Variants in TTC34 observed in about 807,000 individuals in gnomAD.
TTC34 encodes the protein tetratricopeptide repeat domain 34.
TTC34 carries 44 observed loss-of-function variants against 40.7 expected under a neutral mutation model. The ratio of observed to expected loss-of-function variants is 1.08; its 90% confidence interval spans 0.85 to 1.39. The LOEUF (loss-of-function observed/expected upper bound fraction) is 1.39, where lower values mean the gene tolerates loss of function less well. Among genes scored for constraint, TTC34 ranks in the 40% most tolerant of loss-of-function variants. The pLI, the probability that TTC34 is intolerant of heterozygous loss-of-function variation, is 0.00. For missense variants in TTC34, 884 were observed against 838.0 expected, an observed-to-expected ratio of 1.05 and a Z score of -0.68; for synonymous variants, 422 against 398.6, an observed-to-expected ratio of 1.06 and a Z score of -0.70.
At chr1:2,696,115 CCCCCAGGCGAGCAT>C (rs1640854752) in intron 6 of TTC34, among the ~76,000 whole-genome samples, 1 of 104,332 alleles carries the variant, frequency 9.6e-6, no homozygotes, top group African/African-American at 3.6e-5. Context: ...AGGACCCACA[CCCCCAGGCGAGCAT>C]CTGACTGCAT....
At chr1:2,771,509 G>A (rs1213685276) in intron 6 of TTC34, among the ~76,000 whole-genome samples, 3 of 78,888 alleles carry the variant, frequency 3.8e-5, no homozygotes, top group Admixed American at 1.1e-4. Flanking sequence ...TGACAGCCTG[G>A]AGTAGCACGC....
chr1:2,801,267 A>AC (rs952729403), intron 1 of TTC34, among the ~76,000 whole-genome samples: 5 of 147,972 alleles, frequency 3.4e-5, no homozygotes, highest in Non-Finnish European at 4.5e-5. Context: ...AGGAAGGCAC[A>AC]CCCCCCGTCA....
rs1381723122 is a variant in TTC34 at position 2,796,633 on chromosome 1, C to T, written c.784+3411G>A. Among the ~76,000 whole-genome samples the T allele has an allele frequency of 1.3e-5, 2 of 152,032 alleles. No individual in the cohort carries two copies. The highest frequency in any genetic ancestry group is 6.6e-5 in the Admixed American group (1 of 15,256). On this transcript the variant is annotated intron_variant, in intron 2 of 8. Coordinates refer to ENST00000401095, the Ensembl canonical transcript of TTC34. The surrounding 1 kb of genome is among the most constrained non-coding windows in gnomAD (Gnocchi z 4.5). ...ACCCACACCCTTAAGTCATGCCCTG[C>T]CCCTGCGTGATCATTAAAGTGGAAG...
At chr1:2,653,552 A>ATCGT (rs1639225963) in intron 6 of TTC34, among the ~76,000 whole-genome samples, 3 of 129,178 alleles carry the variant, frequency 2.3e-5, no homozygotes, top group South Asian at 4.9e-4. Flanking sequence ...TCTGACGGCC[A>ATCGT]GGAATAGCAC....
intron 6 of TTC34, among the ~76,000 whole-genome samples, chr1:2,687,531 G>C (rs1252813225): frequency 6.8e-6 from 1 of 147,044 alleles, no homozygotes; most frequent in Admixed American, 6.6e-5. Context: ...CACACCCCCA[G>C]GTGAGCATCT....
chr1:2,778,706 C>A (rs932741517), intron 6 of TTC34, among the ~76,000 whole-genome samples: 1 of 152,210 alleles, frequency 6.6e-6, no homozygotes, highest in Non-Finnish European at 1.5e-5. Flanking sequence ...AGGGGCAGCA[C>A]CCACCCTCTT....
At chr1:2,756,049 GGAA>G (rs2100446562) in intron 6 of TTC34, among the ~76,000 whole-genome samples, 2 of 84,522 alleles carry the variant, frequency 2.4e-5, no homozygotes, top group East Asian at 3.6e-4. Flanking sequence ...CTGACAACCT[GGAA>G]CAGCACCCAT....
At chr1:2,685,249 C>T (rs1344866850) in intron 6 of TTC34, among the ~76,000 whole-genome samples, 11 of 89,820 alleles carry the variant, frequency 1.2e-4, no homozygotes, top group South Asian at 5.2e-4. Context: ...CCCAGGTGAG[C>T]ATCTGAGAGC....
intron 6 of TTC34, among the ~76,000 whole-genome samples, chr1:2,771,556 A>C (rs1291043088): frequency 6.5e-5 from 4 of 61,496 alleles, no homozygotes; most frequent in Admixed American, 1.4e-4. Context: ...CTGGAGCAGC[A>C]CACACAACCC....
At chr1:2,787,626 G>A (rs1238816801) in exon 4 of TTC34, 2 of 1,549,980 alleles carry the variant, frequency 1.3e-6, no homozygotes, top group East Asian at 4.9e-5. Flanking sequence ...CAGGGCATCA[G>A]CCGCCAGGAG....
chr1:2,751,689 C>G (rs1341246862), intron 6 of TTC34, among the ~76,000 whole-genome samples: 1 of 113,576 alleles, frequency 8.8e-6, no homozygotes, highest in Non-Finnish European at 1.9e-5. Context: ...CACCCACAAC[C>G]CCAAGCGAGC....
intron 6 of TTC34, among the ~76,000 whole-genome samples, chr1:2,695,729 G>A (rs61765757): frequency 6.7e-5 from 1 of 14,870 alleles, no homozygotes; most frequent in African/African-American, 2.5e-4. Context: ...CAGGTGAGCA[G>A]CTGAAATCCT....
chr1:2,758,225 G>GCA (rs1641570726), intron 6 of TTC34, among the ~76,000 whole-genome samples: 1 of 72,484 alleles, frequency 1.4e-5, no homozygotes. Flanking sequence ...CCCTGGAACA[G>GCA]CACACACACC....
rs1424376865 is a variant in TTC34 at position 2,641,226 on chromosome 1, GGGGA to G, written c.*138_*141del. 14 of 916,390 alleles carry G rather than the reference GGGGA, an allele frequency of 1.5e-5. 1 individual carries two copies. The highest frequency in any genetic ancestry group is 6.8e-5 in the Admixed American group (2 of 29,284). 56.8% of individuals were successfully genotyped at this position (916,390 alleles called of 1,614,324 possible). A position where few individuals can be genotyped will look rare whatever the true frequency, so the allele number is the denominator to read the frequency against. On this transcript the variant is annotated 3_prime_UTR_variant, in exon 9 of 9. Transcript: ENST00000401095. ...TGGGGAGGGTTGGGAAGGGGTGTGT[GGGGA>G]GGGCTGGGAAGGGGGTGTGGAGAGG...
intron 2 of TTC34, among the ~76,000 whole-genome samples, chr1:2,791,139 C>T (rs1411058125): frequency 6.6e-6 from 1 of 151,972 alleles, no homozygotes; most frequent in African/African-American, 2.4e-5. Context: ...CGCGCACCTG[C>T]CCCCCACCCC....
At chr1:2,750,722 CA>C (rs1641291442) in intron 6 of TTC34, among the ~76,000 whole-genome samples, 1 of 121,302 alleles carries the variant, frequency 8.2e-6, no homozygotes, top group Non-Finnish European at 1.7e-5. Context: ...GAGCAGCACC[CA>C]CACCCCCAGG....
intron 5 of TTC34, 92 bp from the exon 6 acceptor site, chr1:2,783,867 A>G: frequency 7.9e-7 from 1 of 1,257,994 alleles, no homozygotes; most frequent in African/African-American, 1.5e-5. Flanking sequence ...CAGAGGGTGC[A>G]TGAGCTTCAG....
intron 5 of TTC34, among the ~76,000 whole-genome samples, chr1:2,784,397 A>T (rs1190047141): frequency 6.6e-6 from 1 of 152,238 alleles, no homozygotes. Flanking sequence ...GAACGTGACC[A>T]TTGAAGCACC....
At chr1:2,691,785 C>G (rs569308093) in intron 6 of TTC34, among the ~76,000 whole-genome samples, 1,110 of 93,916 alleles carry the variant, frequency 0.012, 37 homozygotes, top group African/African-American at 0.039. Flanking sequence ...CACCCACACC[C>G]CCAGGCGAGC....
Sources: allele counts gnomAD v4.1 joint callset (sites outside exome capture counted in the v4.1 genomes callset), GRCh38; gene constraint gnomAD v4.1.1; non-coding constraint Gnocchi (gnomAD v3.1); transcripts MANE v1.5; gene names NCBI Gene and HGNC (gene_info 2026-07-23, HGNC 2026-07-21).